The following CSMD1 variants were observed in gnomAD, a reference collection of about 807,000 sequenced individuals.
CSMD1 encodes CUB and Sushi multiple domains 1.
A neutral mutation model predicts 417.5 loss-of-function variants in CSMD1; 213 were observed. The observed-to-expected ratio is 0.51, with a 90% CI of 0.46 to 0.57. The LOEUF (loss-of-function observed/expected upper bound fraction) is 0.57, where lower values mean the gene tolerates loss of function less well. CSMD1 is among the 20% of genes least tolerant of loss of function. The pLI is 0.00. For synonymous variants in CSMD1, 2,862 were observed against 1,736.8 expected (o/e 1.65, Z -16.11); for missense variants, 6,923 against 4,529.7 (o/e 1.53, Z -15.17).
At chr8:4,019,548 G>A (rs1234408635) in intron 4 of CSMD1, among the ~76,000 whole-genome samples, 1 of 152,180 alleles carries the variant, frequency 6.6e-6, no homozygotes. Context: ...CATTCCCTCT[G>A]TGCCTGAGCT....
At chr8:4,186,666 C>T (rs1798695839) in intron 3 of CSMD1, among the ~76,000 whole-genome samples, 1 of 151,998 alleles carries the variant, frequency 6.6e-6, no homozygotes, top group Non-Finnish European at 1.5e-5. Context: ...TCCCCAAAAT[C>T]AGTATATTTG....
intron 5 of CSMD1, among the ~76,000 whole-genome samples, chr8:3,931,898 G>T (rs113022210): frequency 7.6e-6 from 1 of 132,340 alleles, no homozygotes; most frequent in Non-Finnish European, 1.6e-5. Flanking sequence ...TGTAGGAAAA[G>T]AAACAGAAAA....
chr8:4,992,684 T>G (rs954471811), intron 1 of CSMD1, among the ~76,000 whole-genome samples: 16 of 152,196 alleles, frequency 1.1e-4, no homozygotes, highest in Non-Finnish European at 1.8e-4. Context: ...GCCAGTCCAG[T>G]GCTGACCAGA....
At chr8:3,231,409 C>A (rs555181276) in intron 26 of CSMD1, among the ~76,000 whole-genome samples, 5 of 152,126 alleles carry the variant, frequency 3.3e-5, no homozygotes, top group East Asian at 1.9e-4. Flanking sequence ...ATATACATAC[C>A]ATCACACTGT....
chr8:3,083,116 A>T (rs1015811527), intron 49 of CSMD1, among the ~76,000 whole-genome samples: 1 of 151,968 alleles, frequency 6.6e-6, no homozygotes, highest in East Asian at 1.9e-4. Flanking sequence ...TTTTTATTTC[A>T]TAATTATGAA....
chr8:4,454,108 C>T (rs1799326611), intron 2 of CSMD1, among the ~76,000 whole-genome samples: 1 of 152,110 alleles, frequency 6.6e-6, no homozygotes, highest in Admixed American at 6.5e-5. Context: ...AGGCGTGAGC[C>T]ACTGTGCCCA....
Position 4,358,556 on chromosome 8 carries a change from A to G in CSMD1, c.415+61397T>C, listed in dbSNP as rs191498157. Among the ~76,000 whole-genome samples, 256 of 152,316 alleles carry G rather than the reference A, an allele frequency of 1.7e-3. 3 individuals are homozygous for G. The Middle Eastern group carries it at 0.02, about 12-fold the overall frequency. On this transcript the variant is annotated intron_variant, in intron 3 of 69. Coordinates refer to ENST00000635120, the MANE Select transcript of CSMD1 (RefSeq NM_033225.6). ...GGTGACGATATGGCCTACAAAACTTAAAATATTTACTATCTGGCCATTTAA... is the reference window on the plus strand; with the variant it reads ...GGTGACGATATGGCCTACAAAACTTGAAATATTTACTATCTGGCCATTTAA...
intron 1 of CSMD1, among the ~76,000 whole-genome samples, chr8:4,917,556 C>T (rs1257136651): frequency 6.6e-6 from 1 of 152,186 alleles, no homozygotes; most frequent in Non-Finnish European, 1.5e-5. Context: ...ATCGCTTGAA[C>T]CCAGGAAGCG....
chr8:4,797,701 C>G (rs1041882051), intron 1 of CSMD1, among the ~76,000 whole-genome samples: 3 of 152,100 alleles, frequency 2.0e-5, no homozygotes, highest in Non-Finnish European at 4.4e-5. Flanking sequence ...GATTCACAAG[C>G]AACAAAGATA....
At chr8:3,526,089 T>C (rs908593355) in intron 10 of CSMD1, among the ~76,000 whole-genome samples, 2 of 152,164 alleles carry the variant, frequency 1.3e-5, no homozygotes, top group African/African-American at 2.4e-5. Flanking sequence ...ACATGCTGAA[T>C]TGTCAATTCA....
intron 69 of CSMD1, among the ~76,000 whole-genome samples, chr8:2,939,132 C>T (rs1801692912): frequency 6.6e-6 from 1 of 152,242 alleles, no homozygotes; most frequent in South Asian, 2.1e-4. Flanking sequence ...CCTACAAATG[C>T]CCCAGGGAAA....
At chr8:4,966,887 G>C (rs138464549) in intron 1 of CSMD1, among the ~76,000 whole-genome samples, 1 of 152,062 alleles carries the variant, frequency 6.6e-6, no homozygotes, top group Non-Finnish European at 1.5e-5. Flanking sequence ...TCACAAGCAC[G>C]GTTAAAAATA....
At chr8:3,586,314 T>A in intron 8 of CSMD1, 54 bp from the exon 9 acceptor site, 1 of 1,466,448 alleles carries the variant, frequency 6.8e-7, no homozygotes, top group Admixed American at 2.7e-5. Context: ...GAAGACTTCT[T>A]TAGGAAAAAA....
At chr8:2,939,614 A>G (rs1020454235) in intron 69 of CSMD1, among the ~76,000 whole-genome samples, 2 of 152,240 alleles carry the variant, frequency 1.3e-5, no homozygotes, top group African/African-American at 4.8e-5. Flanking sequence ...TTTAATGTAC[A>G]TAAGCACGCT....
At chr8:3,982,900 A>G (rs1384942398) in intron 5 of CSMD1, among the ~76,000 whole-genome samples, 1 of 152,186 alleles carries the variant, frequency 6.6e-6, no homozygotes, top group African/African-American at 2.4e-5. Flanking sequence ...CCTTGCCTTT[A>G]CAATAACTTT....
chr8:3,630,136 CA>C (rs1384949149), intron 7 of CSMD1, among the ~76,000 whole-genome samples: 1 of 152,216 alleles, frequency 6.6e-6, no homozygotes, highest in Non-Finnish European at 1.5e-5. Flanking sequence ...TTTAGTTATT[CA>C]ACATCCAGTC....
At chr8:3,823,666 A>G (rs1801876897) in intron 5 of CSMD1, among the ~76,000 whole-genome samples, 1 of 152,180 alleles carries the variant, frequency 6.6e-6, no homozygotes, top group South Asian at 2.1e-4. Context: ...AAAATCATTT[A>G]CACGTTTTAT....
At chr8:4,509,410 G>A (rs1191188551) in intron 2 of CSMD1, among the ~76,000 whole-genome samples, 1 of 152,160 alleles carries the variant, frequency 6.6e-6, no homozygotes, top group Non-Finnish European at 1.5e-5. Context: ...GGAATCAGAT[G>A]TATTGAAATG....
At chr8:3,673,793 G>C (rs916728862) in intron 7 of CSMD1, among the ~76,000 whole-genome samples, 1 of 152,114 alleles carries the variant, frequency 6.6e-6, no homozygotes, top group African/African-American at 2.4e-5. Context: ...CCTACACTGT[G>C]GGCACTGGAG....
Sources: gnomAD v4.1 joint callset for allele counts (sites outside exome capture counted in the v4.1 genomes callset) on GRCh38, gnomAD v4.1.1 for gene constraint, MANE v1.5 for transcripts, NCBI Gene and HGNC (gene_info 2026-07-23, HGNC 2026-07-21) for gene names.